Variants in TTC6 observed in about 807,000 individuals in gnomAD.
TTC6 encodes the protein tetratricopeptide repeat domain 6, also known as tetratricopeptide repeat protein 6.
Under a neutral mutation model 210.4 loss-of-function variants are expected in TTC6, and 172 were observed. The observed-to-expected ratio is 0.82, with a 90% CI of 0.72 to 0.93. The LOEUF is 0.93. TTC6 is among the 40% of genes least tolerant of loss of function. TTC6 has a pLI of 0.00. For missense variants in TTC6, 2,414 were observed against 2,318.1 expected (o/e 1.04, Z -0.85); for synonymous variants, 804 against 819.6 (o/e 0.98, Z 0.32).
chr14:37,753,607 C>T (rs1472979767), intron 14 of TTC6, among the ~76,000 whole-genome samples: 1 of 152,186 alleles, frequency 6.6e-6, no homozygotes, highest in African/African-American at 2.4e-5. Flanking sequence ...CTCACACTAT[C>T]ACCCTGTCTA....
At chr14:37,751,328 T>C in intron 13 of TTC6, 103 bp downstream of exon 15, 1 of 750,052 alleles carries the variant, frequency 1.3e-6, no homozygotes, top group East Asian at 3.1e-5. Flanking sequence ...GTATATATTA[T>C]ATAATCAAAA....
chr14:37,666,782 C>T (rs918609517), intron 1 of TTC6, among the ~76,000 whole-genome samples: 2 of 150,276 alleles, frequency 1.3e-5, no homozygotes, highest in African/African-American at 4.8e-5. Context: ...GTAAGGTCCA[C>T]AGCAATTCAG....
intron 1 of TTC6, among the ~76,000 whole-genome samples, chr14:37,634,225 A>C (rs1256289546): frequency 1.3e-5 from 2 of 152,246 alleles, no homozygotes; most frequent in Admixed American, 6.5e-5. Flanking sequence ...AATGTACTTG[A>C]AACAAACAGA....
chr14:37,701,412 G>T (rs1260320827), exon 5 of TTC6: 1 of 1,532,718 alleles, frequency 6.5e-7, no homozygotes, highest in Middle Eastern at 1.7e-4. Flanking sequence ...GTTGACTTGC[G>T]CCTGGCTTCT....
chr14:37,645,314 T>G (rs1247251720), intron 1 of TTC6, among the ~76,000 whole-genome samples: 5 of 152,216 alleles, frequency 3.3e-5, no homozygotes, highest in Admixed American at 2.6e-4. Context: ...CAATCCAGAC[T>G]CCCAACAACA....
chr14:37,797,958 A>G (rs1008396873), intron 20 of TTC6, among the ~76,000 whole-genome samples: 1 of 152,128 alleles, frequency 6.6e-6, no homozygotes. Context: ...AAGTTTTCAC[A>G]TATGTGTGGA....
chr14:37,764,705 A>G (rs1190484149), intron 14 of TTC6, among the ~76,000 whole-genome samples: 1 of 152,098 alleles, frequency 6.6e-6, no homozygotes, highest in African/African-American at 2.4e-5. Context: ...TAGCTATATT[A>G]TAGTTTGTAA....
At chr14:37,827,112 T>G in intron 28 of TTC6, 84 bp from the exon 31 acceptor site, 1 of 1,094,294 alleles carries the variant, frequency 9.1e-7, no homozygotes, top group South Asian at 2.2e-5. Context: ...CACAAGTAGA[T>G]TCCCTAATGT....
chr14:37,626,881 C>T (rs773176815), intron 1 of TTC6, among the ~76,000 whole-genome samples: 3 of 152,198 alleles, frequency 2.0e-5, no homozygotes, highest in African/African-American at 4.8e-5. Context: ...CACTCCCACC[C>T]CACCACTCAA....
At chr14:37,661,003 A>G (rs1403795138) in intron 1 of TTC6, among the ~76,000 whole-genome samples, 2 of 152,278 alleles carry the variant, frequency 1.3e-5, no homozygotes, top group African/African-American at 2.4e-5. Flanking sequence ...ATGTCTGTTC[A>G]TGTCCTTTTC....
intron 5 of TTC6, among the ~76,000 whole-genome samples, chr14:37,703,925 T>C (rs1291737802): frequency 5.0e-4 from 76 of 152,272 alleles, no homozygotes; most frequent in Non-Finnish European, 1.5e-4. Context: ...TGATTAAAGG[T>C]ATTTAAAGAC....
rs1169644241 is a variant in TTC6, at chr14:37,725,312, GTATATATA to G, written c.1818+349_1818+356del. Reference sequence around the variant, plus strand: ...TATATGTATGTATGTGTGTGTGTGTGTATATATATATATATATATATATATATATATAT... The same window carrying G: ...TATATGTATGTATGTGTGTGTGTGTGTATATATATATATATATATATATAT... On this transcript the variant is annotated intron_variant, in intron 7 of 30. Transcript: ENST00000553443. 2.2e-3 allele frequency among the ~76,000 whole-genome samples: 73 copies of G among 33,910 alleles called. 1 individual carries two copies. The highest frequency in any genetic ancestry group is 6.4e-3 in the African/African-American group (63 of 9,840). 22.2% of individuals were successfully genotyped at this position (33,910 alleles called of 152,430 possible).
At chr14:37,773,943 G>T (rs2096028980) in intron 14 of TTC6, among the ~76,000 whole-genome samples, 1 of 152,098 alleles carries the variant, frequency 6.6e-6, no homozygotes, top group Non-Finnish European at 1.5e-5. Context: ...TTTGAGCAGT[G>T]TTTTGTAATT....
intron 1 of TTC6, among the ~76,000 whole-genome samples, chr14:37,633,229 C>T (rs1472379802): frequency 6.6e-6 from 1 of 152,184 alleles, no homozygotes; most frequent in Non-Finnish European, 1.5e-5. Flanking sequence ...CGGTTTTGTG[C>T]GTGAAACCCA....
intron 1 of TTC6, among the ~76,000 whole-genome samples, chr14:37,648,347 G>A (rs1426962037): frequency 6.6e-6 from 1 of 152,094 alleles, no homozygotes. Context: ...GTTGAAATTT[G>A]TTGAGTACTT....
rs118040314 is a variant in TTC6 at position 37,835,384 on chromosome 14, A to G, written c.5299-6061A>G. Among the ~76,000 whole-genome samples, 544 of 152,210 alleles carry G rather than the reference A, an allele frequency of 3.6e-3. 1 individual carries two copies. Among genetic ancestry groups the G allele is most frequent in the Non-Finnish European group, 5.7e-3 (391 of 68,012 alleles). On this transcript the variant is annotated intron_variant, in intron 29 of 30. Transcript: ENST00000553443. ...GATACCAATTTATGCTCCAATGTTA[A>G]TAAGAATAAACTAGTAAATTGTTGG...
chr14:37,746,401 CTTA>C (rs1211990446), intron 10 of TTC6, among the ~76,000 whole-genome samples: 1 of 152,136 alleles, frequency 6.6e-6, no homozygotes, highest in African/African-American at 2.4e-5. Context: ...AGCAATTGTT[CTTA>C]TTGTGTAATC....
intron 1 of TTC6, among the ~76,000 whole-genome samples, chr14:37,663,945 GGGAAGTGAAGGACCTCTT>G (rs879675358): frequency 0.018 from 2,597 of 143,948 alleles, 87 homozygotes; most frequent in Non-Finnish European, 0.029. Flanking sequence ...TAGCTAATAA[GGGAAGTGAAGGACCTCTT>G]CAAGGAGAAC....
chr14:37,739,268 C>G, intron 10 of TTC6, 113 bp downstream of exon 12: 5 of 1,090,736 alleles, frequency 4.6e-6, no homozygotes, highest in Non-Finnish European at 6.2e-6. Flanking sequence ...ACATATGAAC[C>G]TTTCACTCTT....
Sources: gnomAD v4.1 joint callset for allele counts (sites outside exome capture counted in the v4.1 genomes callset) on GRCh38, gnomAD v4.1.1 for gene constraint, MANE v1.5 for transcripts, NCBI Gene and HGNC (gene_info 2026-07-23, HGNC 2026-07-21) for gene names.